Variants in NFATC1 observed in about 807,000 individuals in gnomAD.
The protein encoded by NFATC1 is nuclear factor of activated T-cells, cytoplasmic 1.
In NFATC1, 22 loss-of-function variants were observed where a neutral mutation model predicts 76.0. The observed-to-expected ratio is 0.29, with a 90% CI of 0.21 to 0.41. The LOEUF is 0.41. NFATC1 is among the 10% of genes least tolerant of loss of function. The probability of loss-of-function intolerance (pLI) is 1.00; values close to 1 mark genes in which losing one functional copy is unlikely to be tolerated. For synonymous variants in NFATC1, 704 were observed against 613.1 expected, an observed-to-expected ratio of 1.15 and a Z score of -2.19; for missense variants, 1,357 against 1,337.7, an observed-to-expected ratio of 1.01 and a Z score of -0.23.
chr18:79,443,145 C>T (rs2087050605), intron 3 of NFATC1, among the ~76,000 whole-genome samples: 1 of 152,204 alleles, frequency 6.6e-6, no homozygotes, highest in African/African-American at 2.4e-5. Context: ...GCCACAAATT[C>T]AGTTTTATCT....
intron 9 of NFATC1, chr18:79,523,804 A>G (rs2090677649): frequency 6.6e-6 from 1 of 152,196 alleles, no homozygotes; most frequent in Non-Finnish European, 1.5e-5. Context: ...AAAATCTAAT[A>G]TAAGGGAAAA....
chr18:79,467,900 C>A, intron 8 of NFATC1: 1 of 1,166,892 alleles, frequency 8.6e-7, no homozygotes, highest in Non-Finnish European at 1.1e-6. Context: ...CTGAGGGGGT[C>A]CTGGTGTGCA....
intron 9 of NFATC1, among the ~76,000 whole-genome samples, chr18:79,515,458 GGGT>G (rs1328164427): frequency 5.9e-5 from 9 of 151,868 alleles, no homozygotes; most frequent in Admixed American, 5.9e-4. Flanking sequence ...GGTGGTGGGC[GGGT>G]GGTGGTGGTG....
chr18:79,466,168 T>C (rs2088483524), intron 7 of NFATC1, among the ~76,000 whole-genome samples: 1 of 152,230 alleles, frequency 6.6e-6, no homozygotes, highest in Non-Finnish European at 1.5e-5. Flanking sequence ...TGAAAGAGCC[T>C]GGACCTCAAG....
chr18:79,502,315 C>T (rs1273081867), intron 9 of NFATC1, among the ~76,000 whole-genome samples: 7 of 152,158 alleles, frequency 4.6e-5, no homozygotes, highest in Admixed American at 4.6e-4. Flanking sequence ...AAACACACAC[C>T]ACGCACCGAA....
intron 9 of NFATC1, among the ~76,000 whole-genome samples, chr18:79,511,542 G>T (rs1255794236): frequency 6.6e-6 from 1 of 152,194 alleles, no homozygotes; most frequent in Non-Finnish European, 1.5e-5. Flanking sequence ...CACAGTGGCG[G>T]CCGTGGAGGG....
At chr18:79,511,788 G>C (rs2090260771) in intron 9 of NFATC1, among the ~76,000 whole-genome samples, 3 of 152,138 alleles carry the variant, frequency 2.0e-5, no homozygotes, top group Admixed American at 1.3e-4. Context: ...GGCCCGAGGA[G>C]AGCTGCTGAA....
intron 3 of NFATC1, among the ~76,000 whole-genome samples, chr18:79,434,468 C>T (rs1051666774): frequency 1.3e-5 from 2 of 152,222 alleles, no homozygotes; most frequent in Non-Finnish European, 2.9e-5. Flanking sequence ...ATGTGGATCC[C>T]GGGTAGCCGT....
In NFATC1 at chr18:79,451,812, C is replaced by CCCAGGTATGCTCTTCA. The variant is rs751397590; in HGVS notation, c.1903+2_1903+17dup. On this transcript the variant is annotated frameshift_variant, in exon 6 of 10. Coordinates refer to ENST00000427363, the MANE Select transcript of NFATC1 (RefSeq NM_001278669.2). LOFTEE classifies it high-confidence loss of function. ...CCAAGGTCATTTTCGTGGAGAAAGC[C>CCCAGGTATGCTCTTCA]CCAGGTATGCTCTTCACCAGGGGCC... 1.6e-5 allele frequency: 25 copies of CCCAGGTATGCTCTTCA among 1,608,536 alleles called. No individual in the cohort carries two copies. The highest frequency in any genetic ancestry group is 2.7e-5 in the African/African-American group (2 of 74,740).
intron 6 of NFATC1, 155 bp downstream of exon 6, chr18:79,451,971 C>T (rs1186876349): frequency 3.5e-6 from 3 of 867,702 alleles, no homozygotes; most frequent in African/African-American, 1.8e-5. Context: ...CCCGTGTCTG[C>T]ATCCGGCTGT....
intron 9 of NFATC1, among the ~76,000 whole-genome samples, chr18:79,509,301 C>T (rs947322734): frequency 3.3e-5 from 5 of 152,356 alleles, no homozygotes; most frequent in South Asian, 4.1e-4. Context: ...GCCTGCCGGA[C>T]GCCAGCTCTC....
At chr18:79,490,506 C>G (rs1485059344) in intron 9 of NFATC1, among the ~76,000 whole-genome samples, 1 of 152,136 alleles carries the variant, frequency 6.6e-6, no homozygotes, top group Non-Finnish European at 1.5e-5. Context: ...ATTGCCGCCA[C>G]CCTGGGAGAC....
At chr18:79,501,958 A>C (rs1213890312) in intron 9 of NFATC1, among the ~76,000 whole-genome samples, 2 of 152,216 alleles carry the variant, frequency 1.3e-5, no homozygotes, top group African/African-American at 4.8e-5. Context: ...GAATCAGTGC[A>C]ATCTCCATCA....
intron 9 of NFATC1, among the ~76,000 whole-genome samples, chr18:79,526,039 A>G (rs112271390): frequency 0.053 from 8,030 of 152,228 alleles, 282 homozygotes; most frequent in Admixed American, 0.09. Context: ...AGCCTAGGGC[A>G]TTTGGGTGGG....
chr18:79,410,768 T>C lies in NFATC1; in HGVS notation c.493T>C (p.Tyr165His), dbSNP rs745459148. ...GCTGAGTCTGCCCAGCCTGGAGGCC[T>C]ACAGAGACCCCTCGTGCCTGAGCCC... ...ATLSLPSLEA[Y>H]RDPSCLSPAS... The change falls in exon 2 of 10, where the codon TAC becomes CAC. Residue 165 changes from tyrosine (Y) to histidine (H), a missense_variant. Physicochemically the swap from Tyr to His is moderately conservative, Grantham distance 83. This residue lies in a region of NFATC1 where 691 missense variants were observed against 613.1 expected (regional missense o/e 1.13). Transcript: ENST00000427363. This position sits in a 1 kb window ranked among gnomAD's most constrained non-coding sequence, Gnocchi z 6.7. 1 of 1,612,992 alleles carries C rather than the reference T, an allele frequency of 6.2e-7. No individual in the cohort carries two copies. Among genetic ancestry groups the C allele is most frequent in the South Asian group, 1.1e-5 (1 of 91,084 alleles).
intron 9 of NFATC1, among the ~76,000 whole-genome samples, chr18:79,502,972 A>G (rs965727603): frequency 4.6e-5 from 7 of 152,226 alleles, no homozygotes; most frequent in African/African-American, 1.4e-4. Context: ...ACTCCTAGGT[A>G]TGTATTCAAG....
At chr18:79,527,331 C>A (rs1401475665) in intron 9 of NFATC1, 197 bp from the exon 10 acceptor site, 2 of 568,920 alleles carry the variant, frequency 3.5e-6, no homozygotes, top group Non-Finnish European at 3.1e-6. Context: ...TCTGGCGACC[C>A]CAGCTCTCTG....
At chr18:79,482,298 G>A (rs1390883226) in intron 8 of NFATC1, among the ~76,000 whole-genome samples, 15 of 141,554 alleles carry the variant, frequency 1.1e-4, no homozygotes, top group Non-Finnish European at 1.5e-4. Flanking sequence ...TTCCTGGGGT[G>A]TAATTCCAGC....
intron 9 of NFATC1, among the ~76,000 whole-genome samples, chr18:79,522,377 TGG>T (rs71161790): frequency 0.078 from 3,135 of 40,244 alleles, 142 homozygotes; most frequent in Admixed American, 0.13. Flanking sequence ...TCTGTGTGTG[TGG>T]GGGGGGGTGC....
Sources: allele counts gnomAD v4.1 joint callset (sites outside exome capture counted in the v4.1 genomes callset), GRCh38; gene constraint gnomAD v4.1.1; regional missense constraint gnomAD v4.1.1; non-coding constraint Gnocchi (gnomAD v3.1); transcripts MANE v1.5; gene names NCBI Gene and HGNC (gene_info 2026-07-23, HGNC 2026-07-21).